C4BPB: variants seen among roughly 807,000 people sequenced by gnomAD.
The protein encoded by C4BPB is complement component 4 binding protein beta.
C4BPB carries 19 observed loss-of-function variants against 26.6 expected under a neutral mutation model. That is an observed-to-expected ratio of 0.71 (90% CI 0.50 to 1.05). The LOEUF (loss-of-function observed/expected upper bound fraction) is 1.05, where lower values mean the gene tolerates loss of function less well. Among genes scored for constraint, C4BPB ranks in the 50% least tolerant of loss-of-function variants. The pLI is 0.00. For missense variants in C4BPB, 282 were observed against 302.9 expected, an observed-to-expected ratio of 0.93 and a Z score of 0.51; for synonymous variants, 118 against 103.5, an observed-to-expected ratio of 1.14 and a Z score of -0.85.
chr1:207,098,073 T>C (rs1684328726), intron 5 of C4BPB, 77 bp from the exon 6 acceptor site: 2 of 1,098,596 alleles, frequency 1.8e-6, no homozygotes, highest in African/African-American at 1.5e-5. Context: ...AATACTGAAA[T>C]ACAACTACAC....
At chr1:207,097,710 G>A (rs1684312948) in intron 5 of C4BPB, 2 of 170,426 alleles carry the variant, frequency 1.2e-5, no homozygotes, top group South Asian at 1.5e-4. Flanking sequence ...GCACTTTGCA[G>A]GCAACTCTCA....
At chr1:207,089,365 A>G (rs1393491455) in intron 1 of C4BPB, 117 bp from the exon 2 acceptor site, 16 of 581,808 alleles carry the variant, frequency 2.8e-5, no homozygotes, top group Non-Finnish European at 4.6e-5. Context: ...TCCTGTCGTA[A>G]GATTTTTTCT....
intron 4 of C4BPB, chr1:207,095,185 G>A: frequency 2.4e-6 from 1 of 416,326 alleles, no homozygotes; most frequent in East Asian, 7.0e-5. Context: ...ATAATATTAG[G>A]AAGGAAGCCA....
At chr1:207,091,917 T>A (rs909920301) in intron 4 of C4BPB, 97 bp downstream of exon 4, 5 of 1,042,980 alleles carry the variant, frequency 4.8e-6, no homozygotes, top group South Asian at 3.5e-5. Context: ...TCTCTTTTTT[T>A]GTATCAGAGA....
intron 4 of C4BPB, chr1:207,095,382 G>A: frequency 2.2e-6 from 1 of 456,570 alleles, no homozygotes; most frequent in South Asian, 1.5e-5. Context: ...CCAGGCTGGA[G>A]TGCAGTGGCA....
intron 4 of C4BPB, chr1:207,095,213 T>G (rs1684193590): frequency 9.0e-6 from 4 of 442,234 alleles, no homozygotes; most frequent in African/African-American, 8.1e-5. Flanking sequence ...CAAAATGGCT[T>G]TAGTGCTACA....
Position 207,090,483 on chromosome 1 carries a change from T to C in C4BPB, c.232+2T>C. The C allele has an allele frequency of 1.2e-6, 2 of 1,604,476 alleles. No homozygotes were observed. The highest frequency in any genetic ancestry group is 1.7e-6 in the Non-Finnish European group (2 of 1,175,320). On this transcript the variant is annotated splice_donor_variant, in intron 3 of 6. Coordinates refer to ENST00000367078, the MANE Select transcript of C4BPB (RefSeq NM_001017365.3). LOFTEE classifies it high-confidence loss of function. ...ATAACACCACTACTGAGTGCCGCTGTAAGTTAGATCTTTCTGTATCTTTGC... is the reference window on the plus strand; with the variant it reads ...ATAACACCACTACTGAGTGCCGCTGCAAGTTAGATCTTTCTGTATCTTTGC...
chr1:207,090,791 T>C (rs1307728028), intron 3 of C4BPB, among the ~76,000 whole-genome samples: 1 of 152,248 alleles, frequency 6.6e-6, no homozygotes, highest in Non-Finnish European at 1.5e-5. Flanking sequence ...TAAAAATGTT[T>C]ATGTTATGGA....
intron 2 of C4BPB, 88 bp from the exon 3 acceptor site, chr1:207,090,220 C>A: frequency 9.5e-7 from 1 of 1,049,804 alleles, no homozygotes; most frequent in Non-Finnish European, 1.4e-6. Context: ...AATAATCCAG[C>A]AAAAAGACAT....
chr1:207,097,857 C>A (rs1214089274), intron 5 of C4BPB: 5 of 244,248 alleles, frequency 2.0e-5, no homozygotes, highest in Admixed American at 5.4e-5. Flanking sequence ...TAAAGTGCTT[C>A]TATCACTCTC....
chr1:207,093,625 A>G (rs1209062400), intron 4 of C4BPB, among the ~76,000 whole-genome samples: 1 of 152,188 alleles, frequency 6.6e-6, no homozygotes, highest in Non-Finnish European at 1.5e-5. Flanking sequence ...GATTTTAAAT[A>G]TATAACTATA....
At chr1:207,094,200 G>T (rs1684156702) in intron 4 of C4BPB, among the ~76,000 whole-genome samples, 1 of 152,030 alleles carries the variant, frequency 6.6e-6, no homozygotes, top group African/African-American at 2.4e-5. Flanking sequence ...TAAAAGCCAG[G>T]CGTGGCAGTG....
In C4BPB at chr1:207,098,161, T is replaced by G; in HGVS notation, c.515T>G (p.Val172Gly). 1 of 1,613,652 alleles carries G rather than the reference T, an allele frequency of 6.2e-7. No homozygotes were observed. The highest frequency in any genetic ancestry group is 8.5e-7 in the Non-Finnish European group (1 of 1,179,628). ...SYYCEDRYYLVGVQEQQCVDG... is the reference protein window; with the variant it reads ...SYYCEDRYYLGGVQEQQCVDG... ...TAATTTCTGTTCAGGTACTACTTAG[T>G]GGGCGTGCAGGAGCAGCAATGCGTT... The change falls in exon 6 of 7, where the codon GTG becomes GGG. Residue 172 changes from valine to glycine, a missense_variant. Val to Gly is a moderately radical substitution (Grantham distance 109). Coordinates refer to ENST00000367078, the MANE Select transcript of C4BPB (RefSeq NM_001017365.3).
chr1:207,090,142 G>A (rs1188668097), intron 2 of C4BPB, among the ~76,000 whole-genome samples, 166 bp from the exon 3 acceptor site: 2 of 152,166 alleles, frequency 1.3e-5, no homozygotes, highest in East Asian at 1.9e-4. Context: ...GTGGTGGCGG[G>A]TGCCTGTAGT....
chr1:207,093,111 T>A (rs192408208), intron 4 of C4BPB, among the ~76,000 whole-genome samples: 1 of 152,288 alleles, frequency 6.6e-6, no homozygotes, highest in Admixed American at 6.5e-5. Flanking sequence ...TTAGTTGAAT[T>A]TGAAATGTAA....
chr1:207,096,340 G>C (rs1684247753), intron 4 of C4BPB, 182 bp from the exon 5 acceptor site: 1 of 602,090 alleles, frequency 1.7e-6, no homozygotes. Context: ...ATTTAGAAGA[G>C]AAGGAAATGA....
chr1:207,093,758 CAG>C (rs1314952989), intron 4 of C4BPB, among the ~76,000 whole-genome samples: 1 of 152,006 alleles, frequency 6.6e-6, no homozygotes, highest in Non-Finnish European at 1.5e-5. Context: ...AGAAAATGGG[CAG>C]ATTTAATTAA....
intron 6 of C4BPB, among the ~76,000 whole-genome samples, chr1:207,098,789 C>A (rs1684355286): frequency 6.6e-6 from 1 of 152,172 alleles, no homozygotes; most frequent in Non-Finnish European, 1.5e-5. Flanking sequence ...TGATGGGAAA[C>A]TGACAGATTA....
chr1:207,098,681 A>C (rs1684351986), intron 6 of C4BPB, among the ~76,000 whole-genome samples: 1 of 152,218 alleles, frequency 6.6e-6, no homozygotes, highest in South Asian at 2.1e-4. Context: ...TTACATTGTA[A>C]TATATAATAA....
Sources: gnomAD v4.1 joint callset for allele counts (sites outside exome capture counted in the v4.1 genomes callset) on GRCh38, gnomAD v4.1.1 for gene constraint, MANE v1.5 for transcripts, NCBI Gene and HGNC (gene_info 2026-07-23, HGNC 2026-07-21) for gene names.